The following CEP112 variants were observed in gnomAD, a reference collection of about 807,000 sequenced individuals.
CEP112 encodes the protein centrosomal protein 112, also known as centrosomal protein of 112 kDa.
CEP112 carries 127 observed loss-of-function variants against 153.0 expected under a neutral mutation model. The observed-to-expected ratio is 0.83, with a 90% confidence interval of 0.72 to 0.96. The LOEUF (loss-of-function observed/expected upper bound fraction) is 0.96, where lower values mean the gene tolerates loss of function less well. Among genes scored for constraint, CEP112 ranks in the 40% least tolerant of loss-of-function variants. CEP112 has a pLI of 0.00. For synonymous variants in CEP112, 358 were observed against 374.4 expected, an observed-to-expected ratio of 0.96 and a Z score of 0.51; for missense variants, 1,089 against 1,101.2, an observed-to-expected ratio of 0.99 and a Z score of 0.16.
intron 17 of CEP112, among the ~76,000 whole-genome samples, chr17:65,993,093 C>A (rs183413346): frequency 6.6e-6 from 1 of 152,150 alleles, no homozygotes; most frequent in Non-Finnish European, 1.5e-5. Flanking sequence ...CTCTCTCCCC[C>A]ACCTCACCCC....
intron 10 of CEP112, among the ~76,000 whole-genome samples, chr17:66,064,997 C>T (rs1338614770): frequency 6.6e-6 from 1 of 152,184 alleles, no homozygotes; most frequent in Non-Finnish European, 1.5e-5. Context: ...ATCATTCACT[C>T]AGATATACTC....
At chr17:65,836,803 C>T (rs1029095043) in intron 21 of CEP112, among the ~76,000 whole-genome samples, 1 of 151,968 alleles carries the variant, frequency 6.6e-6, no homozygotes, top group African/African-American at 2.4e-5. Context: ...TTTGCTCTCC[C>T]TCTCCCTCTC....
chr17:65,974,231 C>T (rs567202130), intron 17 of CEP112, among the ~76,000 whole-genome samples: 32 of 148,020 alleles, frequency 2.2e-4, no homozygotes, highest in African/African-American at 7.3e-4. Flanking sequence ...CACACACCAC[C>T]ACGCCAGTTA....
intron 24 of CEP112, among the ~76,000 whole-genome samples, chr17:65,643,458 T>C (rs1193000420): frequency 9.0e-6 from 1 of 111,608 alleles, no homozygotes; most frequent in South Asian, 2.9e-4. Context: ...CCACCACACC[T>C]GGCTAATTTT....
chr17:66,046,600 G>A (rs1241940547), intron 12 of CEP112, among the ~76,000 whole-genome samples: 2 of 152,094 alleles, frequency 1.3e-5, no homozygotes. Context: ...TTTGTGAGCT[G>A]AATTGTGTCC....
intron 8 of CEP112, among the ~76,000 whole-genome samples, chr17:66,078,246 T>C (rs2067576309): frequency 1.9e-5 from 2 of 106,732 alleles, no homozygotes; most frequent in Non-Finnish European, 1.9e-5. Flanking sequence ...CTTTTTTTTT[T>C]CTTTTCTTTT....
intron 10 of CEP112, 31 bp from the exon 11 acceptor site, chr17:66,063,112 C>G (rs2066987723): frequency 9.1e-7 from 1 of 1,098,488 alleles, no homozygotes; most frequent in Non-Finnish European, 1.3e-6. Context: ...ATAGTTAAAC[C>G]AATTCTAGGT....
chr17:66,089,504 A>G (rs2068059654), intron 8 of CEP112, among the ~76,000 whole-genome samples: 2 of 152,220 alleles, frequency 1.3e-5, no homozygotes, highest in Admixed American at 1.3e-4. Context: ...TTAAAAAATC[A>G]AATTCTGGAG....
At chr17:65,943,546 T>G (rs1196173348) in intron 18 of CEP112, among the ~76,000 whole-genome samples, 1 of 152,212 alleles carries the variant, frequency 6.6e-6, no homozygotes, top group Admixed American at 6.5e-5. Flanking sequence ...CGCCAATCTC[T>G]TCTGGCTTGT....
rs780954952 is a variant in CEP112, at chr17:65,689,141, C to T, written c.2685G>A (p.Glu895=). The T allele has an allele frequency of 6.2e-7, 1 of 1,610,444 alleles. No homozygotes were observed. Among genetic ancestry groups the T allele is most frequent in the South Asian group, 1.1e-5 (1 of 90,992 alleles). ...AEKKLQHKEL[E]SQEQITYIRQ... is the part of the protein sequence containing the mutation. ...AAGGAGAGGGTACCTGTTCCTGTGA[C>T]TCCAATTCTTTGTGTTGTAATTTTT... Residue 895 remains glutamate (E), a synonymous_variant, in exon 24 of 27, where the codon GAG becomes GAA. Coordinates refer to ENST00000535342, the MANE Select transcript of CEP112 (RefSeq NM_001199165.4).
chr17:65,663,456 C>T (rs2143890420), intron 24 of CEP112, among the ~76,000 whole-genome samples: 1 of 152,196 alleles, frequency 6.6e-6, no homozygotes, highest in East Asian at 1.9e-4. Flanking sequence ...TCACATATGG[C>T]AACCATAAGA....
chr17:65,966,278 T>C (rs1019580923), intron 17 of CEP112, among the ~76,000 whole-genome samples: 3 of 152,218 alleles, frequency 2.0e-5, no homozygotes, highest in Non-Finnish European at 4.4e-5. Flanking sequence ...AAGTACATGA[T>C]TATTCCAAAA....
At chr17:66,020,262 T>C (rs79575594) in intron 16 of CEP112, among the ~76,000 whole-genome samples, 3,112 of 152,352 alleles carry the variant, frequency 0.02, 39 homozygotes, top group Middle Eastern at 0.037. Flanking sequence ...TGAAAAAGTA[T>C]GTCCATTTCA....
chr17:66,112,283 C>T (rs1302322575), intron 6 of CEP112, among the ~76,000 whole-genome samples: 1 of 151,024 alleles, frequency 6.6e-6, no homozygotes, highest in Non-Finnish European at 1.5e-5. Context: ...GAGAGTGAGA[C>T]TTTGTCTCAA....
At chr17:66,148,178 A>C (rs946089015) in intron 4 of CEP112, among the ~76,000 whole-genome samples, 1 of 152,212 alleles carries the variant, frequency 6.6e-6, no homozygotes, top group Non-Finnish European at 1.5e-5. Context: ...GAAAATGAGA[A>C]TCAAGAGAAA....
At chr17:66,106,926 A>AT (rs1423839599) in intron 6 of CEP112, among the ~76,000 whole-genome samples, 2 of 152,112 alleles carry the variant, frequency 1.3e-5, no homozygotes, top group Admixed American at 1.3e-4. Context: ...TCAACAACAC[A>AT]TAAAAAAAAA....
At chr17:65,747,887 T>G (rs893749116) in intron 22 of CEP112, among the ~76,000 whole-genome samples, 1 of 152,202 alleles carries the variant, frequency 6.6e-6, no homozygotes, top group Non-Finnish European at 1.5e-5. Flanking sequence ...TTTTCCAAAT[T>G]TAATCTTATG....
At chr17:65,877,648 A>T (rs2146559996) in intron 20 of CEP112, among the ~76,000 whole-genome samples, 1 of 152,082 alleles carries the variant, frequency 6.6e-6, no homozygotes, top group East Asian at 1.9e-4. Flanking sequence ...TCTTTGTAAC[A>T]CTATGTAACA....
At chr17:66,015,383 G>A (rs1163139111) in intron 16 of CEP112, among the ~76,000 whole-genome samples, 2 of 122,262 alleles carry the variant, frequency 1.6e-5, no homozygotes, top group Non-Finnish European at 3.5e-5. Flanking sequence ...TCGTTCTTGA[G>A]TATTTTTTTT....
Sources: allele counts gnomAD v4.1 joint callset (sites outside exome capture counted in the v4.1 genomes callset), GRCh38; gene constraint gnomAD v4.1.1; transcripts MANE v1.5; gene names NCBI Gene and HGNC (gene_info 2026-07-23, HGNC 2026-07-21).